Variants in STARD13 observed in about 807,000 individuals in gnomAD.
The protein encoded by STARD13 is StAR related lipid transfer domain containing 13, also known as stAR-related lipid transfer protein 13.
A neutral mutation model predicts 106.4 loss-of-function variants in STARD13; 62 were observed. That is an observed-to-expected ratio of 0.58 (90% CI 0.48 to 0.72). The LOEUF is 0.72. Among genes scored for constraint, STARD13 ranks in the 30% least tolerant of loss-of-function variants. STARD13 has a pLI of 0.00. For missense variants in STARD13, 1,387 were observed against 1,424.0 expected (o/e 0.97, Z 0.42); for synonymous variants, 565 against 553.0 (o/e 1.02, Z -0.31).
chr13:33,373,995 TAACTGC>T, the STARD13 span, among the ~76,000 whole-genome samples: 583 of 152,270 alleles, frequency 3.8e-3, 3 homozygotes, highest in African/African-American at 0.013. Context: ...CACATATCCA[TAACTGC>T]ATTATGCACA....
intron 1 of STARD13, among the ~76,000 whole-genome samples, chr13:33,283,508 A>T (rs1038842531): frequency 6.6e-6 from 1 of 152,236 alleles, no homozygotes; most frequent in Non-Finnish European, 1.5e-5. Context: ...CAGTAAACCA[A>T]TCTTCTAATA....
chr13:33,129,977 G>A lies in STARD13; in HGVS notation c.700C>T (p.Gln234Ter), dbSNP rs763323935. 1 of 1,613,262 alleles carries A rather than the reference G, an allele frequency of 6.2e-7. No homozygotes were observed. The highest frequency in any genetic ancestry group is 8.5e-7 in the Non-Finnish European group (1 of 1,179,814). The change falls in exon 5 of 14, where the codon CAG becomes TAG. Residue 234 changes from glutamine (Q) to a stop codon, truncating the protein, a stop_gained. Transcript: ENST00000336934. LOFTEE classifies it high-confidence loss of function. ...TGGTTGAGGACATCTCTGGGGGGCT[G>A]TGGGAGGCTGCTGCTGACGAGTGGG... ...DAPLVSSSLP[Q>*]PPRDVLNHPF... is the part of the protein sequence containing the mutation.
the STARD13 span, among the ~76,000 whole-genome samples, chr13:33,590,176 G>A: frequency 1.5e-3 from 232 of 152,124 alleles, no homozygotes; most frequent in African/African-American, 5.2e-3. Context: ...TTAGAATGGC[G>A]ATCATTAAAA....
chr13:33,632,089 C>T, the STARD13 span, among the ~76,000 whole-genome samples: 5 of 152,098 alleles, frequency 3.3e-5, no homozygotes, highest in African/African-American at 1.2e-4. Flanking sequence ...AAATGGTGCT[C>T]AATGATACAA....
intron 1 of STARD13, among the ~76,000 whole-genome samples, chr13:33,297,282 T>C (rs9537066): frequency 0.7 from 105,812 of 152,124 alleles, 37,710 homozygotes; most frequent in Non-Finnish European, 0.77. Flanking sequence ...CCTTAGTGGC[T>C]CCGCCAAAAT....
chr13:33,652,616 A>G, the STARD13 span, among the ~76,000 whole-genome samples: 1 of 152,230 alleles, frequency 6.6e-6, no homozygotes, highest in African/African-American at 2.4e-5. Context: ...AATATAATGG[A>G]GCACAAAAAT....
chr13:33,195,339 C>A (rs964042362), intron 1 of STARD13, among the ~76,000 whole-genome samples: 1 of 152,192 alleles, frequency 6.6e-6, no homozygotes, highest in Non-Finnish European at 1.5e-5. Flanking sequence ...ACTCAACCAA[C>A]TAAAGTTGAA....
the STARD13 span, among the ~76,000 whole-genome samples, chr13:33,601,252 T>A: frequency 6.6e-6 from 1 of 152,086 alleles, no homozygotes; most frequent in East Asian, 1.9e-4. Flanking sequence ...AGACCTTGAT[T>A]TCTGTTGCTA....
intron 1 of STARD13, among the ~76,000 whole-genome samples, chr13:33,338,846 C>T (rs1035672529): frequency 3.2e-4 from 46 of 141,698 alleles, no homozygotes; most frequent in African/African-American, 1.1e-3. Context: ...GATCGCGGCA[C>T]TGCACTCCAG....
At chr13:33,656,618 T>C in the STARD13 span, among the ~76,000 whole-genome samples, 1 of 152,214 alleles carries the variant, frequency 6.6e-6, no homozygotes. Flanking sequence ...CCGGAGAATC[T>C]TAAACCAGGA....
the STARD13 span, among the ~76,000 whole-genome samples, chr13:33,674,660 T>A: frequency 6.6e-6 from 1 of 152,186 alleles, no homozygotes; most frequent in Non-Finnish European, 1.5e-5. Flanking sequence ...CTGTCAAAGA[T>A]GAAAACCACC....
intron 1 of STARD13, among the ~76,000 whole-genome samples, chr13:33,324,820 G>A (rs1019610582): frequency 5.3e-5 from 8 of 152,132 alleles, no homozygotes; most frequent in South Asian, 2.1e-4. Context: ...ATGGAAGGCC[G>A]CAACAAATGC....
At position 33,104,893 on chromosome 13, in the gene STARD13, C is replaced by T. The variant is rs898022649; in HGVS notation, c.*700G>A. On this transcript the variant is annotated 3_prime_UTR_variant, in exon 14 of 14. Transcript: ENST00000336934. ...AAATTTGGTAATGACTTCTCACCCC[C>T]CCATTTGCTTTAAGGAGGAGTAATT... is the stretch of plus-strand genomic sequence containing the variant. 5.2e-5 allele frequency: 8 copies of T among 153,516 alleles called. No individual in the cohort carries two copies. The highest frequency in any genetic ancestry group is 1.9e-4 in the East Asian group (1 of 5,202). 9.5% of individuals were successfully genotyped at this position (153,516 alleles called of 1,614,324 possible).
the STARD13 span, among the ~76,000 whole-genome samples, chr13:33,475,936 A>G: frequency 6.6e-6 from 1 of 152,178 alleles, no homozygotes; most frequent in African/African-American, 2.4e-5. Flanking sequence ...CAGCCTAGCA[A>G]CAGAGCAAGA....
At chr13:33,525,839 A>G in the STARD13 span, among the ~76,000 whole-genome samples, 4 of 152,172 alleles carry the variant, frequency 2.6e-5, no homozygotes, top group East Asian at 5.8e-4. Flanking sequence ...CTACTTGTAC[A>G]TGAATCTAGC....
At chr13:33,665,924 G>A in the STARD13 span, among the ~76,000 whole-genome samples, 13 of 152,184 alleles carry the variant, frequency 8.5e-5, no homozygotes, top group Non-Finnish European at 1.5e-4. Flanking sequence ...CTGGCTCAGT[G>A]TAAATTCTTG....
chr13:33,373,889 A>C, the STARD13 span, among the ~76,000 whole-genome samples: 3 of 152,332 alleles, frequency 2.0e-5, no homozygotes, highest in African/African-American at 7.2e-5. Context: ...AAGGTTGCTC[A>C]AATAATTAAA....
the STARD13 span, among the ~76,000 whole-genome samples, chr13:33,395,884 T>G: frequency 1.3e-5 from 2 of 152,298 alleles, no homozygotes; most frequent in East Asian, 1.9e-4. Flanking sequence ...ATCTGTCACC[T>G]AGGCTGGAGT....
chr13:33,570,786 C>T, the STARD13 span, among the ~76,000 whole-genome samples: 16 of 152,174 alleles, frequency 1.1e-4, no homozygotes, highest in African/African-American at 3.1e-4. Context: ...TCAAATGAAG[C>T]GTCTGTCATG....
Sources: allele counts gnomAD v4.1 joint callset (sites outside exome capture counted in the v4.1 genomes callset), GRCh38; gene constraint gnomAD v4.1.1; transcripts MANE v1.5; gene names NCBI Gene and HGNC (gene_info 2026-07-23, HGNC 2026-07-21).